The following GRAMD1B variants were observed in gnomAD, a reference collection of about 807,000 sequenced individuals.
The protein encoded by GRAMD1B is protein Aster-B.
Under a neutral mutation model 99.7 loss-of-function variants are expected in GRAMD1B, and 37 were observed. The ratio of observed to expected loss-of-function variants is 0.37; its 90% CI spans 0.29 to 0.49. The LOEUF is 0.49. GRAMD1B is among the 20% of genes least tolerant of loss of function. The pLI, the probability that GRAMD1B is intolerant of heterozygous loss-of-function variation, is 0.98. For synonymous variants in GRAMD1B, 427 were observed against 387.6 expected, an observed-to-expected ratio of 1.10 and a Z score of -1.19; for missense variants, 888 against 1,009.2, an observed-to-expected ratio of 0.88 and a Z score of 1.63.
At chr11:123,541,099 G>A (rs1001501368) in intron 2 of GRAMD1B, among the ~76,000 whole-genome samples, 5 of 151,912 alleles carry the variant, frequency 3.3e-5, no homozygotes, top group South Asian at 2.1e-4. Context: ...TCAGCCTCCC[G>A]AGTAGCTGGT....
At chr11:123,482,737 A>G (rs1951681087) in intron 2 of GRAMD1B, among the ~76,000 whole-genome samples, 1 of 152,188 alleles carries the variant, frequency 6.6e-6, no homozygotes, top group Non-Finnish European at 1.5e-5. Flanking sequence ...TAAAAGAATG[A>G]TTATATCATA....
At chr11:123,435,652 A>T in intron 1 of GRAMD1B, 1 of 493,028 alleles carries the variant, frequency 2.0e-6, no homozygotes, top group South Asian at 4.2e-5. Context: ...TGATCTATAG[A>T]TCTATAGATG....
chr11:123,602,458 G>A (rs1333335242), intron 8 of GRAMD1B, among the ~76,000 whole-genome samples: 1 of 152,106 alleles, frequency 6.6e-6, no homozygotes, highest in African/African-American at 2.4e-5. Flanking sequence ...TGCCATGTTG[G>A]TGTGCTGCAC....
In GRAMD1B at chr11:123,466,420, GAAAA is replaced by G. The variant is rs1176035500; in HGVS notation, c.375-14394_375-14391del. Among the ~76,000 whole-genome samples, 15 of 141,438 alleles carry G rather than the reference GAAAA, an allele frequency of 1.1e-4. No individual in the cohort carries two copies. The South Asian group carries it at 1.1e-3, about 11-fold the overall frequency. 92.8% of individuals were successfully genotyped at this position (141,438 alleles called of 152,430 possible). ...AAAGAAAGAAAGGAAGAAAGAAAGAGAAAAAGAAAGAAAGGAAGAAAGAAAGAAA... is the reference window on the plus strand; with the variant it reads ...AAAGAAAGAAAGGAAGAAAGAAAGAGAGAAAGAAAGGAAGAAAGAAAGAAA... On this transcript the variant is annotated intron_variant, in intron 1 of 19. Transcript: ENST00000635736.
intron 1 of GRAMD1B, among the ~76,000 whole-genome samples, chr11:123,375,771 C>T (rs1238189209): frequency 6.6e-6 from 1 of 152,128 alleles, no homozygotes; most frequent in African/African-American, 2.4e-5. Context: ...AAGTACAAGG[C>T]ATGTCATGTT....
intron 1 of GRAMD1B, among the ~76,000 whole-genome samples, chr11:123,468,108 C>T (rs563316763): frequency 3.9e-5 from 6 of 152,058 alleles, no homozygotes; most frequent in South Asian, 2.1e-4. Flanking sequence ...GTGATCCACC[C>T]GCCTTGGCCT....
At chr11:123,539,018 G>A (rs1228144250) in intron 2 of GRAMD1B, among the ~76,000 whole-genome samples, 1 of 151,942 alleles carries the variant, frequency 6.6e-6, no homozygotes, top group Admixed American at 6.6e-5. Context: ...CCAAGTTGTA[G>A]CATGTATCAG....
chr11:123,409,191 G>T lies in GRAMD1B; in HGVS notation c.-176+50392G>T, dbSNP rs575845955. 1.8e-3 allele frequency among the ~76,000 whole-genome samples: 277 copies of T among 152,224 alleles called. 4 individuals carry two copies. Among genetic ancestry groups the T allele is most frequent in the African/African-American group, 6.5e-3 (268 of 41,530 alleles). ...TGTGCCAGTGCTTTTGATAATTATG[G>T]TAATTTGGAAGGAGCACACCTGGCT... On this transcript the variant is annotated intron_variant, in intron 1 of 20. Coordinates refer to the GRAMD1B transcript ENST00000638157.
intron 1 of GRAMD1B, among the ~76,000 whole-genome samples, chr11:123,375,237 G>A (rs993357293): frequency 9.9e-5 from 15 of 152,186 alleles, no homozygotes; most frequent in African/African-American, 1.9e-4. Context: ...TTCAGAGCCC[G>A]AGCTTTTAAC....
At chr11:123,603,335 T>C in intron 8 of GRAMD1B, 91 bp from the exon 9 acceptor site, 2 of 768,050 alleles carry the variant, frequency 2.6e-6, no homozygotes, top group Non-Finnish European at 4.6e-6. Context: ...TTTCTCCTCT[T>C]CTCCAGGGGA....
chr11:123,617,523 T>G (rs185756844), intron 17 of GRAMD1B, among the ~76,000 whole-genome samples: 123 of 152,294 alleles, frequency 8.1e-4, no homozygotes, highest in African/African-American at 2.9e-3. Flanking sequence ...TCTTTTCTTA[T>G]GTGTGTCTAC....
chr11:123,577,248 C>T, intron 2 of GRAMD1B, 119 bp from the exon 3 acceptor site: 1 of 834,986 alleles, frequency 1.2e-6, no homozygotes. Context: ...CTCCCCAGCC[C>T]CTCACCTGGC....
chr11:123,604,991 A>G (rs1171405295), intron 9 of GRAMD1B, among the ~76,000 whole-genome samples: 1 of 152,204 alleles, frequency 6.6e-6, no homozygotes, highest in African/African-American at 2.4e-5. Context: ...AGAGGCTTCA[A>G]ATAGGATGGG....
At chr11:123,619,375 G>A (rs942018540) in intron 19 of GRAMD1B, 151 bp downstream of exon 19, 1 of 1,509,642 alleles carries the variant, frequency 6.6e-7, no homozygotes, top group African/African-American at 1.4e-5. Flanking sequence ...GTTCTAAATG[G>A]AAAGCCTTCC....
intron 2 of GRAMD1B, chr11:123,560,562 C>A: frequency 1.4e-6 from 1 of 711,794 alleles, no homozygotes; most frequent in Non-Finnish European, 2.2e-6. Flanking sequence ...GGCCCCCGCT[C>A]CCCGCCCCCG....
intron 4 of GRAMD1B, among the ~76,000 whole-genome samples, chr11:123,584,995 C>T (rs775794569): frequency 1.9e-4 from 29 of 152,200 alleles, no homozygotes; most frequent in Non-Finnish European, 3.5e-4. Context: ...GGGATTTGGA[C>T]GTTTTCCTCT....
intron 2 of GRAMD1B, among the ~76,000 whole-genome samples, chr11:123,514,717 G>T (rs34666228): frequency 0.18 from 27,601 of 152,198 alleles, 2,788 homozygotes; most frequent in Admixed American, 0.25. Context: ...TAGACACTGC[G>T]AACAGCTGAA....
intron 2 of GRAMD1B, among the ~76,000 whole-genome samples, chr11:123,538,460 A>G (rs935012843): frequency 1.4e-4 from 22 of 151,992 alleles, no homozygotes; most frequent in Non-Finnish European, 5.9e-5. Flanking sequence ...AAAGGCCTTT[A>G]ATTTGCAGCT....
At chr11:123,560,561 T>TCCCCCCCCCCC in intron 2 of GRAMD1B, 1 of 794,298 alleles carries the variant, frequency 1.3e-6, no homozygotes, top group Non-Finnish European at 1.8e-6. Flanking sequence ...GGGCCCCCGC[T>TCCCCCCCCCCC]CCCCGCCCCC....
Sources: allele counts gnomAD v4.1 joint callset (sites outside exome capture counted in the v4.1 genomes callset), GRCh38; gene constraint gnomAD v4.1.1; transcripts MANE v1.5; gene names NCBI Gene and HGNC (gene_info 2026-07-23, HGNC 2026-07-21).